CDH4: variants seen among roughly 807,000 people sequenced by gnomAD.
CDH4 encodes cadherin 4, also known as cadherin-4.
A neutral mutation model predicts 86.0 loss-of-function variants in CDH4; 33 were observed. The observed-to-expected ratio is 0.38, with a 90% CI of 0.29 to 0.51. The LOEUF is 0.51. Ranked by LOEUF, CDH4 falls within the 20% of genes least tolerant of loss-of-function variation. The pLI, the probability that CDH4 is intolerant of heterozygous loss-of-function variation, is 0.86. For missense variants in CDH4, 1,114 were observed against 1,307.4 expected, an observed-to-expected ratio of 0.85 and a Z score of 2.28; for synonymous variants, 555 against 549.4, an observed-to-expected ratio of 1.01 and a Z score of -0.14.
chr20:61,559,939 G>A (rs375386872), intron 2 of CDH4, among the ~76,000 whole-genome samples: 16 of 152,248 alleles, frequency 1.1e-4, no homozygotes, highest in East Asian at 9.7e-4. Flanking sequence ...GGAGGCCCTC[G>A]GCTGCATGCA....
At chr20:61,431,134 C>T (rs2085244030) in intron 2 of CDH4, among the ~76,000 whole-genome samples, 1 of 152,214 alleles carries the variant, frequency 6.6e-6, no homozygotes, top group Non-Finnish European at 1.5e-5. Flanking sequence ...AAGGAATTCC[C>T]ACTCCAGGGG....
intron 4 of CDH4, among the ~76,000 whole-genome samples, chr20:61,840,648 C>T (rs1600702627): frequency 6.6e-6 from 1 of 152,072 alleles, no homozygotes; most frequent in African/African-American, 2.4e-5. Flanking sequence ...GCACTGGAGG[C>T]GCCTGTCTGT....
At chr20:61,574,713 C>T (rs2086369602) in intron 2 of CDH4, among the ~76,000 whole-genome samples, 1 of 152,136 alleles carries the variant, frequency 6.6e-6, no homozygotes, top group Admixed American at 6.5e-5. Flanking sequence ...TCCGGCCTCT[C>T]CACAGGTTGG....
intron 6 of CDH4, among the ~76,000 whole-genome samples, chr20:61,857,116 G>GCCCTGC (rs1234078209): frequency 6.6e-6 from 1 of 152,234 alleles, no homozygotes; most frequent in African/African-American, 2.4e-5. Flanking sequence ...GGGTCTCACT[G>GCCCTGC]CCCTGCCCCT....
Position 61,510,470 on chromosome 20 carries a change from C to T in CDH4, c.170-233093C>T, listed in dbSNP as rs2145612125. Among the ~76,000 whole-genome samples, 1 of 152,316 alleles carries T rather than the reference C, an allele frequency of 6.6e-6. No individual in the cohort carries two copies. Among genetic ancestry groups the T allele is most frequent in the Admixed American group, 6.5e-5 (1 of 15,306 alleles). ...CGTTTACTATCGGAATGCCCGCATG[C>T]CTGCTGGGCTGATGGCATCCCATAA... On this transcript the variant is annotated intron_variant, in intron 2 of 15. Transcript: ENST00000614565. The surrounding 1 kb of genome is among the most constrained non-coding windows in gnomAD (Gnocchi z 4.2).
chr20:61,869,573 A>T (rs1412794101), intron 6 of CDH4, among the ~76,000 whole-genome samples: 1 of 152,218 alleles, frequency 6.6e-6, no homozygotes, highest in African/African-American at 2.4e-5. Flanking sequence ...GAGGTGGCCC[A>T]GTCAGGGTCC....
At chr20:61,503,258 G>A (rs1391284749) in intron 2 of CDH4, among the ~76,000 whole-genome samples, 1 of 152,194 alleles carries the variant, frequency 6.6e-6, no homozygotes, top group Non-Finnish European at 1.5e-5. Context: ...CAGGAAATGT[G>A]TCCGTTCATA....
intron 2 of CDH4, among the ~76,000 whole-genome samples, chr20:61,361,515 C>T (rs999788293): frequency 5.9e-5 from 9 of 152,154 alleles, no homozygotes; most frequent in Non-Finnish European, 1.0e-4. Context: ...TTTCCTTGGA[C>T]CTCTTTCTTC....
chr20:61,731,735 CGTGA>C (rs1318982846), intron 2 of CDH4, among the ~76,000 whole-genome samples: 13 of 152,194 alleles, frequency 8.5e-5, no homozygotes, highest in Non-Finnish European at 1.9e-4. Context: ...GGTTTGGAGA[CGTGA>C]GTGAGTGGCT....
At chr20:61,452,236 G>A (rs1398006670) in intron 2 of CDH4, among the ~76,000 whole-genome samples, 1 of 152,184 alleles carries the variant, frequency 6.6e-6, no homozygotes, top group Non-Finnish European at 1.5e-5. Context: ...TGAGTTCCAG[G>A]TGTCTTTGGA....
chr20:61,711,920 T>A (rs2087897776), intron 2 of CDH4, among the ~76,000 whole-genome samples: 1 of 152,114 alleles, frequency 6.6e-6, no homozygotes, highest in African/African-American at 2.4e-5. Context: ...GCAAGTGTCC[T>A]GGGGTGTCAT....
chr20:61,759,045 A>G (rs145570992), intron 3 of CDH4, among the ~76,000 whole-genome samples: 206 of 152,278 alleles, frequency 1.4e-3, no homozygotes, highest in African/African-American at 4.6e-3. Context: ...GCGTTCGCAC[A>G]TGGGATGTGT....
intron 2 of CDH4, among the ~76,000 whole-genome samples, chr20:61,594,361 T>C (rs1345932931): frequency 6.6e-6 from 1 of 151,990 alleles, no homozygotes; most frequent in East Asian, 1.9e-4. Flanking sequence ...ACTGTTGCCC[T>C]AGATGCGGAG....
intron 2 of CDH4, among the ~76,000 whole-genome samples, chr20:61,445,426 G>A (rs1463938366): frequency 1.3e-5 from 2 of 152,222 alleles, no homozygotes; most frequent in Non-Finnish European, 2.9e-5. Context: ...CCCATGCCAA[G>A]ACCAGCCACA....
chr20:61,306,600 G>T (rs903355417), intron 2 of CDH4, among the ~76,000 whole-genome samples: 1 of 152,174 alleles, frequency 6.6e-6, no homozygotes, highest in Non-Finnish European at 1.5e-5. Context: ...CTCCCAAAGT[G>T]CTGGGATTAC....
Position 61,565,168 on chromosome 20 carries a change from TGGGGTGGTGG to T in CDH4, c.170-178394_170-178385del, listed in dbSNP as rs1568688210. Among the ~76,000 whole-genome samples the T allele has an allele frequency of 5.9e-4, 66 of 111,562 alleles. 11 individuals carry two copies. Among genetic ancestry groups the T allele is most frequent in the African/African-American group, 1.5e-3 (45 of 29,146 alleles). 73.2% of individuals were successfully genotyped at this position (111,562 alleles called of 152,430 possible). A position where few individuals can be genotyped will look rare whatever the true frequency, so the allele number is the denominator to read the frequency against. ...GTGTTGGTAGTGGTCCTCTTGGTGA[TGGGGTGGTGG>T]TGGTGGTGGTCCTCTTGGTGGTGGT... On this transcript the variant is annotated intron_variant, in intron 2 of 15. Coordinates refer to ENST00000614565, the MANE Select transcript of CDH4 (RefSeq NM_001794.5).
intron 2 of CDH4, among the ~76,000 whole-genome samples, chr20:61,452,763 G>T (rs1299483304): frequency 6.6e-6 from 1 of 152,174 alleles, no homozygotes; most frequent in African/African-American, 2.4e-5. Flanking sequence ...TGCAGGCCTT[G>T]TGATTCAGAC....
chr20:61,906,936 AG>A (rs1421696584), intron 8 of CDH4, among the ~76,000 whole-genome samples: 9 of 152,078 alleles, frequency 5.9e-5, no homozygotes, highest in Non-Finnish European at 1.3e-4. Context: ...CTCCGGGGTC[AG>A]GGGAGCTCAC....
At position 61,501,594 on chromosome 20, in the gene CDH4, G is replaced by A. The variant is rs1173648187; in HGVS notation, c.170-241969G>A. ...GCCTGCATCTCTGCGGCCCGGAGAC[G>A]CTGACTCCAGTTGCCTAACAGAGCT... On this transcript the variant is annotated intron_variant, in intron 2 of 15. Coordinates refer to ENST00000614565, the MANE Select transcript of CDH4 (RefSeq NM_001794.5). The surrounding 1 kb of genome is among the most constrained non-coding windows in gnomAD (Gnocchi z 4.2). Among the ~76,000 whole-genome samples, 7 of 152,100 alleles carry A rather than the reference G, an allele frequency of 4.6e-5. No individual in the cohort carries two copies. Among genetic ancestry groups the A allele is most frequent in the African/African-American group, 9.7e-5 (4 of 41,412 alleles).
Sources: gnomAD v4.1 joint callset for allele counts (sites outside exome capture counted in the v4.1 genomes callset) on GRCh38, gnomAD v4.1.1 for gene constraint, Gnocchi (gnomAD v3.1) non-coding constraint, MANE v1.5 for transcripts, NCBI Gene and HGNC (gene_info 2026-07-23, HGNC 2026-07-21) for gene names.